MBNL2: variants seen among roughly 807,000 people sequenced by gnomAD.
MBNL2 encodes muscleblind-like protein 2.
A neutral mutation model predicts 41.9 loss-of-function variants in MBNL2; 17 were observed. The ratio of observed to expected loss-of-function variants is 0.41; its 90% CI spans 0.28 to 0.61. The LOEUF is 0.61. MBNL2 is among the 20% of genes least tolerant of loss of function. The pLI is 0.35. For synonymous variants in MBNL2, 195 were observed against 182.9 expected (o/e 1.07, Z -0.53); for missense variants, 336 against 505.6 (o/e 0.66, Z 3.22).
intron 1 of MBNL2, among the ~76,000 whole-genome samples, chr13:97,270,680 A>C (rs2050769139): frequency 6.6e-6 from 1 of 152,208 alleles, no homozygotes; most frequent in South Asian, 2.1e-4. Context: ...TGAACAGCAC[A>C]GTCTAACACA....
chr13:97,177,987 T>C, the MBNL2 span, among the ~76,000 whole-genome samples: 5 of 152,288 alleles, frequency 3.3e-5, no homozygotes, highest in East Asian at 9.6e-4. Context: ...ATTTCAAAAA[T>C]TTACCTCCTA....
intron 1 of MBNL2, among the ~76,000 whole-genome samples, chr13:97,236,709 C>T (rs1182284866): frequency 6.6e-6 from 1 of 152,142 alleles, no homozygotes; most frequent in East Asian, 1.9e-4. Flanking sequence ...CGCCTATAAT[C>T]AGAACCATGA....
chr13:97,373,652 CTCTG>C (rs150791214), intron 8 of MBNL2, among the ~76,000 whole-genome samples: 3,003 of 150,512 alleles, frequency 0.02, 91 homozygotes, highest in African/African-American at 0.062. Context: ...TTGGGGGATA[CTCTG>C]TCTATCTTAG....
chr13:97,229,947 G>C, intron 1 of MBNL2, among the ~76,000 whole-genome samples: 1 of 152,130 alleles, frequency 6.6e-6, no homozygotes, highest in South Asian at 2.1e-4. Flanking sequence ...GAAGGAGAAA[G>C]GGCAAATCCA....
the MBNL2 span, among the ~76,000 whole-genome samples, chr13:97,146,760 A>G: frequency 1.3e-5 from 2 of 152,198 alleles, no homozygotes; most frequent in Non-Finnish European, 2.9e-5. Flanking sequence ...TGTTGTTCCC[A>G]GGTGACCATG....
chr13:97,269,021 T>A (rs1225900831), intron 1 of MBNL2, among the ~76,000 whole-genome samples: 11 of 152,168 alleles, frequency 7.2e-5, no homozygotes, highest in Admixed American at 3.3e-4. Context: ...CCTGGCAAGC[T>A]CATATCCTTT....
At chr13:97,234,483 C>T (rs540457840) in intron 1 of MBNL2, among the ~76,000 whole-genome samples, 1 of 152,188 alleles carries the variant, frequency 6.6e-6, no homozygotes, top group Non-Finnish European at 1.5e-5. Flanking sequence ...TTGGTTCAGG[C>T]CTGAGCACAG....
At chr13:97,150,432 G>A in the MBNL2 span, among the ~76,000 whole-genome samples, 21 of 152,094 alleles carry the variant, frequency 1.4e-4, no homozygotes, top group African/African-American at 5.1e-4. Context: ...TCTTCAGGTT[G>A]GCCTGATACA....
At chr13:97,148,216 T>A in the MBNL2 span, among the ~76,000 whole-genome samples, 8 of 152,228 alleles carry the variant, frequency 5.3e-5, no homozygotes, top group African/African-American at 1.9e-4. Flanking sequence ...TAGAGGCTTC[T>A]TGTATGATTA....
the MBNL2 span, among the ~76,000 whole-genome samples, chr13:97,180,415 T>C: frequency 6.6e-6 from 1 of 152,080 alleles, no homozygotes; most frequent in African/African-American, 2.4e-5. Flanking sequence ...TGAGTTGATA[T>C]TTATAAAAAA....
At chr13:97,237,782 C>G (rs547620893) in intron 1 of MBNL2, among the ~76,000 whole-genome samples, 41 of 152,254 alleles carry the variant, frequency 2.7e-4, no homozygotes, top group African/African-American at 9.4e-4. Context: ...AGAGAGCCAC[C>G]AAATATTTTT....
chr13:97,171,972 T>G, the MBNL2 span, among the ~76,000 whole-genome samples: 14 of 152,376 alleles, frequency 9.2e-5, no homozygotes, highest in East Asian at 5.8e-4. Context: ...ATGATTGTGA[T>G]GCCTCCCCAG....
intron 2 of MBNL2, among the ~76,000 whole-genome samples, chr13:97,287,721 C>CTG (rs2054794682): frequency 8.7e-6 from 1 of 114,938 alleles, no homozygotes; most frequent in African/African-American, 4.5e-5. Context: ...CTTTTCTTTT[C>CTG]TTTTTTTTTT....
chr13:97,273,983 C>T (rs1178104616), intron 1 of MBNL2, among the ~76,000 whole-genome samples: 1 of 152,066 alleles, frequency 6.6e-6, no homozygotes, highest in Non-Finnish European at 1.5e-5. Flanking sequence ...ATCACTTGAA[C>T]TCAGGAGGCA....
At chr13:97,257,102 AG>A (rs1296849797) in intron 1 of MBNL2, among the ~76,000 whole-genome samples, 1 of 152,014 alleles carries the variant, frequency 6.6e-6, no homozygotes, top group African/African-American at 2.4e-5. Flanking sequence ...GAGCATGAAT[AG>A]GTAACCCTGT....
chr13:97,210,969 G>A, the MBNL2 span, among the ~76,000 whole-genome samples: 2 of 152,062 alleles, frequency 1.3e-5, no homozygotes, highest in African/African-American at 2.4e-5. Flanking sequence ...TGGAGAAGAG[G>A]GGTGGTGAAA....
chr13:97,374,848 A>G (rs1452172830), intron 8 of MBNL2, among the ~76,000 whole-genome samples: 1 of 152,196 alleles, frequency 6.6e-6, no homozygotes, highest in African/African-American at 2.4e-5. Flanking sequence ...AGTTCATCCT[A>G]TATGGGTGTT....
chr13:97,322,542 G>A (rs1261964119), intron 2 of MBNL2, among the ~76,000 whole-genome samples: 1 of 152,116 alleles, frequency 6.6e-6, no homozygotes, highest in Non-Finnish European at 1.5e-5. Flanking sequence ...CATTAACCAT[G>A]GGTTTATCAG....
At chr13:97,175,196 A>G in the MBNL2 span, among the ~76,000 whole-genome samples, 1 of 152,092 alleles carries the variant, frequency 6.6e-6, no homozygotes, top group Non-Finnish European at 1.5e-5. Flanking sequence ...ACTACACTGC[A>G]ATCGTGGGCT....
Sources: allele counts gnomAD v4.1 joint callset (sites outside exome capture counted in the v4.1 genomes callset), GRCh38; gene constraint gnomAD v4.1.1; transcripts MANE v1.5; gene names NCBI Gene and HGNC (gene_info 2026-07-23, HGNC 2026-07-21).